Variants in LSAMP observed in about 807,000 individuals in gnomAD.
The protein encoded by LSAMP is limbic system-associated membrane protein.
A neutral mutation model predicts 38.6 loss-of-function variants in LSAMP; 7 were observed. That is an observed-to-expected ratio of 0.18 (90% CI 0.10 to 0.34). The LOEUF (loss-of-function observed/expected upper bound fraction) is 0.34, where lower values mean the gene tolerates loss of function less well. Ranked by LOEUF, LSAMP falls within the 10% of genes least tolerant of loss-of-function variation. LSAMP has a pLI of 1.00. For missense variants in LSAMP, 313 were observed against 420.0 expected, an observed-to-expected ratio of 0.75 and a Z score of 2.23; for synonymous variants, 154 against 166.8, an observed-to-expected ratio of 0.92 and a Z score of 0.59.
At chr3:116,136,405 A>T (rs1449727650) in intron 1 of LSAMP, among the ~76,000 whole-genome samples, 5 of 152,142 alleles carry the variant, frequency 3.3e-5, no homozygotes, top group Non-Finnish European at 5.9e-5. Flanking sequence ...CAACCCAGGC[A>T]TCATAAAAGA....
intron 6 of LSAMP, among the ~76,000 whole-genome samples, chr3:115,819,357 C>T (rs983366067): frequency 4.6e-5 from 7 of 151,842 alleles, no homozygotes; most frequent in Non-Finnish European, 1.0e-4. Flanking sequence ...ATCGCTTGAA[C>T]CTGGAGGGTG....
chr3:116,311,893 C>T (rs1375641232), intron 1 of LSAMP, among the ~76,000 whole-genome samples: 1 of 152,120 alleles, frequency 6.6e-6, no homozygotes, highest in Non-Finnish European at 1.5e-5. Flanking sequence ...AAAGAAACTA[C>T]ATCTGTTAAG....
intron 6 of LSAMP, among the ~76,000 whole-genome samples, chr3:115,817,756 A>G (rs1189452815): frequency 6.6e-6 from 1 of 152,200 alleles, no homozygotes; most frequent in Non-Finnish European, 1.5e-5. Context: ...AAGATGGAGT[A>G]AGAATTCTCC....
chr3:115,954,681 T>C (rs1392884209), intron 3 of LSAMP, among the ~76,000 whole-genome samples: 1 of 152,238 alleles, frequency 6.6e-6, no homozygotes, highest in Non-Finnish European at 1.5e-5. Flanking sequence ...TTAAGATGGC[T>C]GGCAAGGAAA....
chr3:116,159,332 G>T (rs575228838), intron 1 of LSAMP, among the ~76,000 whole-genome samples: 6 of 152,078 alleles, frequency 3.9e-5, no homozygotes, highest in Non-Finnish European at 7.4e-5. Context: ...TATAGAATGG[G>T]AGTAAATATT....
chr3:116,197,037 T>G (rs1710899826), intron 1 of LSAMP, among the ~76,000 whole-genome samples: 1 of 152,094 alleles, frequency 6.6e-6, no homozygotes, highest in Admixed American at 6.5e-5. Flanking sequence ...AGCCATTCAG[T>G]GATTCTCTTC....
chr3:115,878,242 G>A (rs1452216862), intron 3 of LSAMP, among the ~76,000 whole-genome samples: 1 of 151,994 alleles, frequency 6.6e-6, no homozygotes, highest in East Asian at 1.9e-4. Flanking sequence ...CATCTAGAAA[G>A]ATGGAGACCA....
intron 3 of LSAMP, among the ~76,000 whole-genome samples, chr3:115,999,003 CA>C (rs1939909067): frequency 6.6e-6 from 1 of 152,052 alleles, no homozygotes; most frequent in Non-Finnish European, 1.5e-5. Context: ...CAATTTAAAG[CA>C]AAAAGCATTT....
chr3:116,144,807 A>T (rs1369629194), intron 1 of LSAMP, among the ~76,000 whole-genome samples: 1 of 151,746 alleles, frequency 6.6e-6, no homozygotes, highest in African/African-American at 2.4e-5. Context: ...TTTGTTTCAA[A>T]CTTTCTATGT....
At chr3:116,204,363 C>T (rs1197900374) in intron 1 of LSAMP, among the ~76,000 whole-genome samples, 1 of 152,110 alleles carries the variant, frequency 6.6e-6, no homozygotes, top group Admixed American at 6.5e-5. Context: ...CCTGTTCACT[C>T]TGATGGTAGT....
chr3:115,929,841 T>C (rs559360825), intron 3 of LSAMP, among the ~76,000 whole-genome samples: 1 of 152,222 alleles, frequency 6.6e-6, no homozygotes, highest in African/African-American at 2.4e-5. Flanking sequence ...CTCTAGCTTC[T>C]TGGAGTTCTA....
chr3:116,182,016 T>C (rs1710496539), intron 1 of LSAMP, among the ~76,000 whole-genome samples: 3 of 152,022 alleles, frequency 2.0e-5, no homozygotes, highest in Admixed American at 2.0e-4. Context: ...ACACAAGTTT[T>C]ATTTAAAATG....
chr3:115,946,515 C>G (rs564870219), intron 3 of LSAMP, among the ~76,000 whole-genome samples: 1 of 152,092 alleles, frequency 6.6e-6, no homozygotes, highest in African/African-American at 2.4e-5. Flanking sequence ...AGAGATTTTG[C>G]GCCAGTAAAT....
intron 3 of LSAMP, among the ~76,000 whole-genome samples, chr3:115,983,135 T>G (rs548784410): frequency 2.0e-5 from 3 of 152,110 alleles, no homozygotes; most frequent in African/African-American, 7.2e-5. Flanking sequence ...CTTGGCTTTC[T>G]GAGATGCAAA....
intron 3 of LSAMP, among the ~76,000 whole-genome samples, chr3:115,874,258 T>A (rs1047063243): frequency 1.3e-5 from 2 of 152,088 alleles, no homozygotes; most frequent in Non-Finnish European, 1.5e-5. Flanking sequence ...TTCCTTCTCC[T>A]CAGTCTTTGG....
intron 6 of LSAMP, chr3:115,837,935 A>T (rs891366057): frequency 6.6e-6 from 1 of 152,242 alleles, no homozygotes; most frequent in African/African-American, 2.4e-5. Flanking sequence ...GATTGCTTTA[A>T]CTCAGGAGTT....
chr3:115,999,700 G>C (rs904442237), intron 3 of LSAMP, among the ~76,000 whole-genome samples: 2 of 152,130 alleles, frequency 1.3e-5, no homozygotes, highest in Non-Finnish European at 2.9e-5. Context: ...CCATTACCTG[G>C]AATTAGCAGG....
At chr3:116,066,426 C>CAGA (rs1278715337) in intron 2 of LSAMP, among the ~76,000 whole-genome samples, 2 of 152,190 alleles carry the variant, frequency 1.3e-5, no homozygotes, top group South Asian at 2.1e-4. Context: ...TAATGAGGTA[C>CAGA]AGAAGATGTC....
intron 6 of LSAMP, among the ~76,000 whole-genome samples, chr3:115,827,691 A>T (rs1305936490): frequency 6.6e-6 from 1 of 152,166 alleles, no homozygotes; most frequent in Non-Finnish European, 1.5e-5. Context: ...AATGACTTGT[A>T]AGGTCTCTTC....
Sources: gnomAD v4.1 joint callset for allele counts (sites outside exome capture counted in the v4.1 genomes callset) on GRCh38, gnomAD v4.1.1 for gene constraint, MANE v1.5 for transcripts, NCBI Gene and HGNC (gene_info 2026-07-23, HGNC 2026-07-21) for gene names.